Variants in PGAP4 observed in about 807,000 individuals in gnomAD.
The protein encoded by PGAP4 is post-GPI attachment to proteins GalNAc transferase 4.
Under a neutral mutation model 28.2 loss-of-function variants are expected in PGAP4, and 12 were observed. That is an observed-to-expected ratio of 0.42 (90% CI 0.27 to 0.69). The LOEUF (loss-of-function observed/expected upper bound fraction) is 0.69, where lower values mean the gene tolerates loss of function less well. Ranked by LOEUF, PGAP4 falls within the 30% of genes least tolerant of loss-of-function variation. The pLI is 0.22. For synonymous variants in PGAP4, 205 were observed against 211.8 expected (o/e 0.97, Z 0.28); for missense variants, 425 against 513.5 (o/e 0.83, Z 1.67).
At chr9:101,507,583 A>T (rs1227080602) in intron 2 of PGAP4, among the ~76,000 whole-genome samples, 1 of 152,158 alleles carries the variant, frequency 6.6e-6, no homozygotes, top group Non-Finnish European at 1.5e-5. Context: ...AAGAAAAAAC[A>T]CGAGACAGCC....
chr9:101,504,228 T>G (rs1156234887), intron 2 of PGAP4, among the ~76,000 whole-genome samples: 4 of 143,388 alleles, frequency 2.8e-5, no homozygotes, highest in Non-Finnish European at 4.6e-5. Flanking sequence ...TTTTTTTTTT[T>G]TTTTTTTTTG....
chr9:101,518,547 T>C (rs756801795), intron 2 of PGAP4, among the ~76,000 whole-genome samples: 4 of 152,224 alleles, frequency 2.6e-5, no homozygotes, highest in South Asian at 2.1e-4. Flanking sequence ...AATGTTCTCA[T>C]ACAATATTCT....
chr9:101,477,212 A>C, intron 1 of PGAP4, 43 bp from the exon 2 acceptor site: 1 of 1,174,878 alleles, frequency 8.5e-7, no homozygotes, highest in Non-Finnish European at 1.1e-6. Flanking sequence ...TAACTTAAAA[A>C]AACAAACAAA....
rs540012601 is a variant in PGAP4, at chr9:101,475,654, G to A, written c.*227C>T. ...GGTGGGTCAGACTGCATGAGGCAGT[G>A]TGGCTGTGTGGAGGGAGAGGTCCGG... On this transcript the variant is annotated 3_prime_UTR_variant, in exon 2 of 2. Coordinates refer to ENST00000374848, the MANE Select transcript of PGAP4 (RefSeq NM_032342.3). 4.2e-5 allele frequency: 24 copies of A among 576,872 alleles called. No individual in the cohort carries two copies. The Admixed American group carries it at 5.6e-4, about 13-fold the overall frequency. 35.7% of individuals were successfully genotyped at this position (576,872 alleles called of 1,614,324 possible).
chr9:101,490,226 G>C (rs776164724), upstream of PGAP4, among the ~76,000 whole-genome samples: 15 of 152,152 alleles, frequency 9.9e-5, no homozygotes, highest in Middle Eastern at 6.8e-3. Context: ...GTCTCAGTCT[G>C]TCGCCGAGGC....
intron 2 of PGAP4, among the ~76,000 whole-genome samples, chr9:101,504,545 C>G (rs1034964712): frequency 1.3e-5 from 2 of 151,990 alleles, no homozygotes; most frequent in African/African-American, 4.8e-5. Context: ...CTGTGCCTCT[C>G]TGTTTCTCTC....
At chr9:101,520,153 C>G (rs1022932689) in intron 2 of PGAP4, among the ~76,000 whole-genome samples, 1 of 152,114 alleles carries the variant, frequency 6.6e-6, no homozygotes, top group African/African-American at 2.4e-5. Context: ...GTGATGCCTC[C>G]AGATTTGTTC....
intron 2 of PGAP4, among the ~76,000 whole-genome samples, chr9:101,527,160 C>T (rs935589009): frequency 1.3e-5 from 2 of 152,210 alleles, no homozygotes; most frequent in African/African-American, 4.8e-5. Context: ...AGGATGGCAG[C>T]CCCACCTGGA....
At position 101,500,768 on chromosome 9, in the gene PGAP4, C is replaced by T. The variant is rs56736380; in HGVS notation, c.-164-11568G>A. ...GAAAGGGAGGAGACAGGAAGATACA[C>T]CTATTAGTCTGCATTTCTGGTTTGG... On this transcript the variant is annotated intron_variant, in intron 2 of 3. Coordinates refer to the PGAP4 transcript ENST00000374851. 4.5e-3 allele frequency among the ~76,000 whole-genome samples: 688 copies of T among 151,982 alleles called. 7 individuals carry two copies. The highest frequency in any genetic ancestry group is 0.015 in the African/African-American group (626 of 41,468).
intron 1 of PGAP4, among the ~76,000 whole-genome samples, chr9:101,478,681 A>C (rs568448431): frequency 1.3e-3 from 195 of 152,326 alleles, no homozygotes; most frequent in African/African-American, 4.5e-3. Context: ...TGCCAGCTGA[A>C]TGGAGAGCCC....
intron 1 of PGAP4, among the ~76,000 whole-genome samples, chr9:101,483,848 G>T (rs1564094619): frequency 6.6e-6 from 1 of 152,030 alleles, no homozygotes; most frequent in Non-Finnish European, 1.5e-5. Context: ...CTACCAAAGG[G>T]TAATTAAAAA....
intron 2 of PGAP4, among the ~76,000 whole-genome samples, chr9:101,518,841 G>A (rs1826962165): frequency 6.6e-6 from 1 of 152,188 alleles, no homozygotes. Flanking sequence ...TAATGGGATT[G>A]CTGGATCAAA....
intron 2 of PGAP4, among the ~76,000 whole-genome samples, chr9:101,505,478 A>G (rs1205859509): frequency 6.6e-6 from 1 of 152,090 alleles, no homozygotes; most frequent in Admixed American, 6.6e-5. Context: ...GGTATGATTG[A>G]TAGGAGTCCT....
chr9:101,525,959 A>G (rs796820668), intron 2 of PGAP4, among the ~76,000 whole-genome samples: 4 of 152,350 alleles, frequency 2.6e-5, no homozygotes, highest in African/African-American at 9.6e-5. Flanking sequence ...TTAAACAAGT[A>G]TGTGATTCTA....
chr9:101,474,475 T>C lies in PGAP4; in HGVS notation c.*1406A>G, dbSNP rs1431681509. On this transcript the variant is annotated 3_prime_UTR_variant, in exon 2 of 2. Transcript: ENST00000374848. ...GAAAATAATTTTCAGACTCTGATCTTAGAATAAGCTCATGAGGAGTCTCAT... is the reference window on the plus strand; with the variant it reads ...GAAAATAATTTTCAGACTCTGATCTCAGAATAAGCTCATGAGGAGTCTCAT... 1 of 152,246 alleles carries C rather than the reference T, an allele frequency of 6.6e-6. No homozygotes were observed. The highest frequency in any genetic ancestry group is 1.9e-4 in the East Asian group (1 of 5,200). The allele number at this position is 152,246 out of a possible 1,614,324, so 9.4% of individuals were successfully genotyped here.
chr9:101,493,727 T>G (rs1345195889), intron 2 of PGAP4, among the ~76,000 whole-genome samples: 1 of 152,184 alleles, frequency 6.6e-6, no homozygotes, highest in Non-Finnish European at 1.5e-5. Flanking sequence ...GTACTTTGAA[T>G]GTCTCTGGTC....
chr9:101,504,209 GTTTTTTTTTTTTTTT>G lies in PGAP4; in HGVS notation c.-164-15024_-164-15010del, dbSNP rs3081858. 3.1e-3 allele frequency among the ~76,000 whole-genome samples: 70 copies of G among 22,718 alleles called. 1 individual carries two copies. The highest frequency in any genetic ancestry group is 0.011 in the African/African-American group (58 of 5,220). The allele number at this position is 22,718 out of a possible 152,430, so 14.9% of individuals were successfully genotyped here. On this transcript the variant is annotated intron_variant, in intron 2 of 3. Transcript: ENST00000374851. The stretch of plus-strand genomic sequence containing the variant: ...TTTGTTTGTGTGTGTGTGTGTGTTT[GTTTTTTTTTTTTTTT>G]TTTTTTTTTTTTTGGTTGGTTTCTT...
At chr9:101,512,705 A>G (rs1193556035) in intron 2 of PGAP4, among the ~76,000 whole-genome samples, 2 of 152,210 alleles carry the variant, frequency 1.3e-5, no homozygotes, top group Non-Finnish European at 2.9e-5. Flanking sequence ...CAACAATAAT[A>G]CACATTGTTA....
chr9:101,497,380 C>G (rs182677904), intron 2 of PGAP4, among the ~76,000 whole-genome samples: 1 of 151,454 alleles, frequency 6.6e-6, no homozygotes, highest in Non-Finnish European at 1.5e-5. Flanking sequence ...TAAGTGAGAA[C>G]CTTAAAGTTA....
Sources: allele counts gnomAD v4.1 joint callset (sites outside exome capture counted in the v4.1 genomes callset), GRCh38; gene constraint gnomAD v4.1.1; transcripts MANE v1.5; gene names NCBI Gene and HGNC (gene_info 2026-07-23, HGNC 2026-07-21).